The following PIGL variants were observed in gnomAD, a reference collection of about 807,000 sequenced individuals.
The protein encoded by PIGL is phosphatidylinositol glycan anchor biosynthesis class L.
PIGL carries 22 observed loss-of-function variants against 31.1 expected under a neutral mutation model. The ratio of observed to expected loss-of-function variants is 0.71; its 90% confidence interval spans 0.51 to 1.01. The LOEUF is 1.01. Among genes scored for constraint, PIGL ranks in the 50% least tolerant of loss-of-function variants. The pLI is 0.00. For missense variants in PIGL, 302 were observed against 315.9 expected (o/e 0.96, Z 0.33); for synonymous variants, 131 against 117.4 (o/e 1.12, Z -0.75).
At chr17:16,236,046 A>T (rs1415582795) in intron 2 of PIGL, among the ~76,000 whole-genome samples, 1 of 152,156 alleles carries the variant, frequency 6.6e-6, no homozygotes, top group Admixed American at 6.6e-5. Context: ...TTCTATGTGT[A>T]CTATCTATAA....
intron 6 of PIGL, among the ~76,000 whole-genome samples, chr17:16,322,115 A>G (rs1359876050): frequency 6.8e-6 from 1 of 146,822 alleles, no homozygotes; most frequent in African/African-American, 2.5e-5. Flanking sequence ...ATTTTTTGAG[A>G]CAGAGTCTTG....
intron 3 of PIGL, among the ~76,000 whole-genome samples, chr17:16,310,585 G>A (rs866520620): frequency 6.6e-6 from 1 of 152,052 alleles, no homozygotes; most frequent in Non-Finnish European, 1.5e-5. Context: ...CACCCAGGCT[G>A]GAGTCCAGTG....
intron 2 of PIGL, among the ~76,000 whole-genome samples, chr17:16,294,107 A>G (rs1248280827): frequency 6.6e-6 from 1 of 152,210 alleles, no homozygotes; most frequent in Non-Finnish European, 1.5e-5. Flanking sequence ...CCACCCCCTG[A>G]TAGTGGGTGA....
At chr17:16,225,660 T>A (rs1367610903) in intron 1 of PIGL, among the ~76,000 whole-genome samples, 1 of 151,802 alleles carries the variant, frequency 6.6e-6, no homozygotes, top group African/African-American at 2.4e-5. Context: ...TGTTGTTTTG[T>A]TTTTTGCACG....
chr17:16,245,395 G>T (rs2092740551), intron 2 of PIGL, among the ~76,000 whole-genome samples: 2 of 152,030 alleles, frequency 1.3e-5, no homozygotes, highest in Middle Eastern at 3.4e-3. Context: ...CCAAAGTGCT[G>T]GGATTACAAG....
intron 6 of PIGL, among the ~76,000 whole-genome samples, chr17:16,323,944 A>G (rs868378018): frequency 6.6e-6 from 1 of 150,964 alleles, no homozygotes; most frequent in African/African-American, 2.4e-5. Context: ...TTAGCAGATT[A>G]TTTCTCTTAT....
chr17:16,253,306 C>G (rs981634220), intron 2 of PIGL, among the ~76,000 whole-genome samples: 1 of 151,922 alleles, frequency 6.6e-6, no homozygotes, highest in Admixed American at 6.6e-5. Flanking sequence ...AAACAAGATC[C>G]CTCCAATTAA....
chr17:16,237,732 G>T (rs139340942), intron 2 of PIGL, among the ~76,000 whole-genome samples: 1 of 148,676 alleles, frequency 6.7e-6, no homozygotes, highest in African/African-American at 2.5e-5. Context: ...CCAGAAGGTG[G>T]AGGCTGCAGT....
intron 2 of PIGL, among the ~76,000 whole-genome samples, chr17:16,245,720 A>G (rs1157326024): frequency 1.3e-5 from 2 of 150,924 alleles, no homozygotes; most frequent in East Asian, 3.9e-4. Flanking sequence ...ATATACACAC[A>G]TATATATATA....
At position 16,217,255 on chromosome 17, in the gene PIGL, C is replaced by T. The variant is rs948187809; in HGVS notation, c.29C>T (p.Ala10Val). ...GAAGCAATGTGGCTCCTGTGTGTGG[C>T]GTTGGCGGTCTTGGCATGGGGCTTC... MEAMWLLCVALAVLAWGFLW... is the reference protein window; with the variant it reads MEAMWLLCVVLAVLAWGFLW... Residue 10 changes from alanine (A) to valine (V), a missense_variant, in exon 1 of 7, where the codon GCG becomes GTG. Physicochemically the swap from Ala to Val is moderately conservative, Grantham distance 64. Coordinates refer to ENST00000225609, the MANE Select transcript of PIGL (RefSeq NM_004278.4). 19 of 1,614,032 alleles carry T rather than the reference C, an allele frequency of 1.2e-5. No homozygotes were observed. Among genetic ancestry groups the T allele is most frequent in the Admixed American group, 1.2e-4 (7 of 59,986 alleles).
At chr17:16,221,146 C>G (rs2092627047) in intron 1 of PIGL, among the ~76,000 whole-genome samples, 1 of 152,088 alleles carries the variant, frequency 6.6e-6, no homozygotes, top group African/African-American at 2.4e-5. Context: ...AGTGCATGCT[C>G]TGTATTTTTT....
At chr17:16,262,650 T>TA (rs955736691) in intron 2 of PIGL, among the ~76,000 whole-genome samples, 4 of 151,842 alleles carry the variant, frequency 2.6e-5, no homozygotes, top group African/African-American at 7.3e-5. Context: ...ACCCCATCTC[T>TA]AAAAAAAATA....
intron 2 of PIGL, among the ~76,000 whole-genome samples, chr17:16,238,145 G>A (rs550232595): frequency 3.4e-5 from 5 of 147,556 alleles, no homozygotes; most frequent in East Asian, 4.1e-4. Flanking sequence ...GCAGTGAGCC[G>A]AGATCGCGCC....
rs377150255 is a variant in PIGL, at chr17:16,272,699, TCCTACTGGA to T, written c.336-27185_336-27177del. On this transcript the variant is annotated intron_variant, in intron 2 of 6. Coordinates refer to ENST00000225609, the MANE Select transcript of PIGL (RefSeq NM_004278.4). ...TCAGTAGGAAGCTTTTCAGTCCCAG[TCCTACTGGA>T]CCTCTCAGCAGCTCTGGCCAATGCT... Among the ~76,000 whole-genome samples the T allele has an allele frequency of 6.5e-3, 992 of 152,284 alleles. 7 individuals are homozygous for T. The highest frequency in any genetic ancestry group is 0.02 in the Middle Eastern group (6 of 294).
In PIGL at chr17:16,304,578, C is replaced by T. The variant is rs1408389847; in HGVS notation, c.426+4600C>T. On this transcript the variant is annotated intron_variant, in intron 3 of 6. Coordinates refer to ENST00000225609, the MANE Select transcript of PIGL (RefSeq NM_004278.4). Reference sequence around the variant, plus strand: ...TTTATGACCAGCCTGGGCAATATATCGAGACTCCATCTCTATTTTTTAAAA... The same window carrying T: ...TTTATGACCAGCCTGGGCAATATATTGAGACTCCATCTCTATTTTTTAAAA... Among the ~76,000 whole-genome samples the T allele has an allele frequency of 2.0e-5, 3 of 151,670 alleles. No homozygotes were observed. The East Asian group carries it at 5.9e-4, about 30-fold the overall frequency.
At chr17:16,250,473 G>C (rs1414559289) in intron 2 of PIGL, among the ~76,000 whole-genome samples, 6 of 152,070 alleles carry the variant, frequency 3.9e-5, no homozygotes, top group African/African-American at 1.4e-4. Context: ...TGGGTTTAGG[G>C]CTTCAACCTA....
chr17:16,320,667 C>T (rs1653822677), intron 6 of PIGL, among the ~76,000 whole-genome samples: 1 of 152,138 alleles, frequency 6.6e-6, no homozygotes, highest in South Asian at 2.1e-4. Context: ...TGAAGTCTTC[C>T]TCTGTCACCC....
intron 1 of PIGL, among the ~76,000 whole-genome samples, chr17:16,232,723 G>A (rs1384517578): frequency 1.3e-5 from 2 of 151,094 alleles, no homozygotes; most frequent in East Asian, 3.9e-4. Context: ...GGTATGTGTA[G>A]AGATTTGAGG....
At chr17:16,291,709 A>T (rs1014667457) in intron 2 of PIGL, among the ~76,000 whole-genome samples, 27 of 151,740 alleles carry the variant, frequency 1.8e-4, no homozygotes, top group Admixed American at 4.6e-4. Context: ...CTACGAAAGT[A>T]CAAAAATTAG....
Sources: gnomAD v4.1 joint callset for allele counts (sites outside exome capture counted in the v4.1 genomes callset) on GRCh38, gnomAD v4.1.1 for gene constraint, MANE v1.5 for transcripts, NCBI Gene and HGNC (gene_info 2026-07-23, HGNC 2026-07-21) for gene names.